Variants in CCSER1 observed in about 807,000 individuals in gnomAD.
CCSER1 encodes the protein coiled-coil serine rich protein 1.
Under a neutral mutation model 82.0 loss-of-function variants are expected in CCSER1, and 41 were observed. The observed-to-expected ratio is 0.50, with a 90% CI of 0.39 to 0.65. The LOEUF (loss-of-function observed/expected upper bound fraction) is 0.65. Among genes scored for constraint, CCSER1 ranks in the 30% least tolerant of loss-of-function variants. The pLI, the probability that CCSER1 is intolerant of heterozygous loss-of-function variation, is 0.00. For synonymous variants in CCSER1, 414 were observed against 383.9 expected (o/e 1.08, Z -0.92); for missense variants, 1,119 against 1,064.2 (o/e 1.05, Z -0.72).
At chr4:90,206,000 A>T (rs1738747664) in intron 1 of CCSER1, among the ~76,000 whole-genome samples, 2 of 152,134 alleles carry the variant, frequency 1.3e-5, no homozygotes, top group Non-Finnish European at 2.9e-5. Context: ...TGTTTATAGT[A>T]TTCTCTGATA....
At chr4:91,068,967 G>C (rs1429370457) in intron 9 of CCSER1, among the ~76,000 whole-genome samples, 1 of 152,086 alleles carries the variant, frequency 6.6e-6, no homozygotes, top group East Asian at 1.9e-4. Flanking sequence ...TGGATCACCT[G>C]AGGTCAGGAG....
chr4:91,236,096 C>T (rs905600385), intron 10 of CCSER1, among the ~76,000 whole-genome samples: 7 of 152,168 alleles, frequency 4.6e-5, no homozygotes, highest in African/African-American at 1.7e-4. Context: ...ATGCACACGT[C>T]TCTTACAAAT....
chr4:90,344,457 T>G (rs920036920), intron 3 of CCSER1, among the ~76,000 whole-genome samples: 10 of 152,136 alleles, frequency 6.6e-5, no homozygotes, highest in African/African-American at 1.7e-4. Context: ...CAGTACATCA[T>G]AAATGTAGAG....
At chr4:90,843,938 T>C (rs982235657) in intron 8 of CCSER1, among the ~76,000 whole-genome samples, 5 of 152,066 alleles carry the variant, frequency 3.3e-5, no homozygotes, top group Non-Finnish European at 7.4e-5. Flanking sequence ...CAATATAAAA[T>C]GTATATTTTT....
At chr4:91,497,449 T>C (rs1463629670) in intron 10 of CCSER1, among the ~76,000 whole-genome samples, 1 of 151,728 alleles carries the variant, frequency 6.6e-6, no homozygotes, top group Non-Finnish European at 1.5e-5. Context: ...AGAAATGAAA[T>C]GTTAATAAAA....
intron 10 of CCSER1, among the ~76,000 whole-genome samples, chr4:91,541,497 A>G (rs1761595414): frequency 1.3e-5 from 2 of 152,032 alleles, no homozygotes; most frequent in Non-Finnish European, 2.9e-5. Flanking sequence ...CTGTCCTTGC[A>G]ATAGTTTGCT....
chr4:90,451,442 A>G (rs1019493993), intron 4 of CCSER1, among the ~76,000 whole-genome samples: 1 of 152,198 alleles, frequency 6.6e-6, no homozygotes, highest in African/African-American at 2.4e-5. Context: ...TTTTGAGGCA[A>G]GTCTCACAAG....
At chr4:91,589,039 A>C (rs1232975312) in intron 10 of CCSER1, among the ~76,000 whole-genome samples, 3 of 151,774 alleles carry the variant, frequency 2.0e-5, no homozygotes, top group African/African-American at 7.2e-5. Context: ...ATCCTCCAAA[A>C]TTTGCTATGT....
chr4:90,437,717 T>C (rs757292265), intron 4 of CCSER1, among the ~76,000 whole-genome samples: 10 of 152,184 alleles, frequency 6.6e-5, no homozygotes, highest in Non-Finnish European at 1.3e-4. Flanking sequence ...TCTTCATTTG[T>C]ATCTCATCAT....
chr4:91,294,883 T>C (rs1744038566), intron 10 of CCSER1, among the ~76,000 whole-genome samples: 1 of 151,950 alleles, frequency 6.6e-6, no homozygotes, highest in African/African-American at 2.4e-5. Context: ...GGAGTGTGTA[T>C]TCAGCATGCT....
At chr4:90,921,559 G>A (rs998092419) in intron 8 of CCSER1, among the ~76,000 whole-genome samples, 1 of 151,850 alleles carries the variant, frequency 6.6e-6, no homozygotes, top group African/African-American at 2.4e-5. Context: ...GGTTAATAAA[G>A]TTGTTTGGAA....
At chr4:91,081,804 C>T (rs551289827) in intron 9 of CCSER1, among the ~76,000 whole-genome samples, 2 of 152,238 alleles carry the variant, frequency 1.3e-5, no homozygotes, top group Admixed American at 6.5e-5. Flanking sequence ...GAGTGAACTC[C>T]CATTCACAAT....
chr4:91,034,829 A>T (rs559539393), intron 9 of CCSER1, among the ~76,000 whole-genome samples: 1 of 152,162 alleles, frequency 6.6e-6, no homozygotes, highest in Non-Finnish European at 1.5e-5. Context: ...CATGGTAGGA[A>T]ATCAAAAAGT....
chr4:90,914,307 G>A (rs983760082), intron 8 of CCSER1, among the ~76,000 whole-genome samples: 15 of 152,146 alleles, frequency 9.9e-5, no homozygotes, highest in Non-Finnish European at 2.2e-4. Context: ...TCAAACCACA[G>A]TGCAATCAAA....
intron 8 of CCSER1, among the ~76,000 whole-genome samples, chr4:90,879,649 G>GA (rs1250174465): frequency 9.2e-5 from 13 of 140,878 alleles, no homozygotes; most frequent in Admixed American, 4.9e-4. Context: ...GAAGAAAGAG[G>GA]AAGAAGAAGA....
chr4:90,788,391 T>C (rs1754803241), intron 7 of CCSER1, among the ~76,000 whole-genome samples: 1 of 152,172 alleles, frequency 6.6e-6, no homozygotes, highest in African/African-American at 2.4e-5. Context: ...AAATCTATTG[T>C]CACAGTTCTA....
At chr4:90,746,109 TCA>T (rs1279840806) in intron 7 of CCSER1, among the ~76,000 whole-genome samples, 1 of 152,190 alleles carries the variant, frequency 6.6e-6, no homozygotes, top group Admixed American at 6.5e-5. Context: ...CCCTGAAGCC[TCA>T]AAGTAGTTTA....
chr4:91,052,416 C>T lies in CCSER1; in HGVS notation c.2173-33534C>T, dbSNP rs555163913. Among the ~76,000 whole-genome samples the T allele has an allele frequency of 9.2e-5, 14 of 152,082 alleles. No homozygotes were observed. In the East Asian group the frequency reaches 1.5e-3, roughly 17 times the overall value. On this transcript the variant is annotated intron_variant, in intron 9 of 10. Coordinates refer to ENST00000509176, the MANE Select transcript of CCSER1 (RefSeq NM_001145065.2). ...CTCTTTAATAGTAACTTACATAAAG[C>T]TTTTTAAAAATATATAATCTATTGT...
chr4:90,631,230 A>G (rs1266143985), intron 6 of CCSER1, among the ~76,000 whole-genome samples: 1 of 152,052 alleles, frequency 6.6e-6, no homozygotes, highest in Non-Finnish European at 1.5e-5. Context: ...GGAGGTACCT[A>G]TTTGATTTTA....
Sources: allele counts gnomAD v4.1 joint callset (sites outside exome capture counted in the v4.1 genomes callset), GRCh38; gene constraint gnomAD v4.1.1; transcripts MANE v1.5; gene names NCBI Gene and HGNC (gene_info 2026-07-23, HGNC 2026-07-21).